Variants in KIF26B observed in about 807,000 individuals in gnomAD.
KIF26B encodes kinesin-like protein KIF26B.
KIF26B carries 63 observed loss-of-function variants against 151.2 expected under a neutral mutation model. That is an observed-to-expected ratio of 0.42 (90% CI 0.34 to 0.51). The LOEUF (loss-of-function observed/expected upper bound fraction) is 0.51. KIF26B is among the 20% of genes least tolerant of loss of function. The pLI is 0.07. For missense variants in KIF26B, 2,813 were observed against 2,913.6 expected (o/e 0.97, Z 0.79); for synonymous variants, 1,357 against 1,262.1 (o/e 1.08, Z -1.59).
chr1:245,593,332 C>A (rs1025721120), intron 5 of KIF26B, among the ~76,000 whole-genome samples: 20 of 152,232 alleles, frequency 1.3e-4, no homozygotes, highest in African/African-American at 4.6e-4. Flanking sequence ...GCTCCCCAGC[C>A]CCCAACAGGC....
chr1:245,186,919 C>T (rs111994795), intron 2 of KIF26B, among the ~76,000 whole-genome samples: 35,596 of 151,520 alleles, frequency 0.23, 4,835 homozygotes, highest in African/African-American at 0.37. Flanking sequence ...TGCAATGGCG[C>T]GATCTTGGCT....
intron 5 of KIF26B, among the ~76,000 whole-genome samples, chr1:245,554,865 C>T (rs1420019437): frequency 6.6e-6 from 1 of 152,162 alleles, no homozygotes; most frequent in African/African-American, 2.4e-5. Context: ...AACGTGTGCT[C>T]ATACAGACCC....
intron 4 of KIF26B, among the ~76,000 whole-genome samples, chr1:245,501,750 T>C (rs1660625649): frequency 6.6e-6 from 1 of 152,234 alleles, no homozygotes; most frequent in Admixed American, 6.5e-5. Context: ...CATATAGCAG[T>C]CTGAAATAAT....
At chr1:245,514,563 A>G (rs962569124) in intron 4 of KIF26B, among the ~76,000 whole-genome samples, 4 of 151,992 alleles carry the variant, frequency 2.6e-5, no homozygotes, top group Admixed American at 1.3e-4. Flanking sequence ...AAAATAAAAA[A>G]TAGACATTTA....
chr1:245,644,795 T>A (rs76628938), intron 9 of KIF26B, among the ~76,000 whole-genome samples: 1,776 of 152,258 alleles, frequency 0.012, 33 homozygotes, highest in African/African-American at 0.041. Flanking sequence ...CCTTGAATAG[T>A]TTTCTCACAT....
chr1:245,232,591 C>T (rs745423865), intron 2 of KIF26B, among the ~76,000 whole-genome samples: 27 of 143,394 alleles, frequency 1.9e-4, no homozygotes, highest in Admixed American at 7.9e-4. Flanking sequence ...GCTCTTGTTG[C>T]GCAGGCAGGA....
chr1:245,174,000 G>A (rs1668760310), intron 2 of KIF26B, among the ~76,000 whole-genome samples: 1 of 152,204 alleles, frequency 6.6e-6, no homozygotes, highest in Admixed American at 6.5e-5. Flanking sequence ...AACACATTGA[G>A]CCGGCAAATC....
intron 4 of KIF26B, among the ~76,000 whole-genome samples, chr1:245,527,290 A>T (rs980596079): frequency 2.0e-5 from 3 of 152,282 alleles, no homozygotes; most frequent in Admixed American, 2.0e-4. Context: ...TTTTATAGAC[A>T]ATTGCTTCTC....
chr1:245,303,971 G>A (rs989089174), intron 2 of KIF26B, among the ~76,000 whole-genome samples: 2 of 152,226 alleles, frequency 1.3e-5, no homozygotes, highest in African/African-American at 4.8e-5. Flanking sequence ...TCGAGTTAAT[G>A]ACTATGTTGG....
chr1:245,541,153 G>A (rs535058396), intron 5 of KIF26B, among the ~76,000 whole-genome samples: 12 of 152,224 alleles, frequency 7.9e-5, no homozygotes, highest in Non-Finnish European at 1.6e-4. Context: ...CAGATTGTAA[G>A]AGATCTGATT....
intron 2 of KIF26B, among the ~76,000 whole-genome samples, chr1:245,350,819 G>A (rs552370079): frequency 1.2e-4 from 19 of 152,220 alleles, no homozygotes; most frequent in Middle Eastern, 3.4e-3. Context: ...TTCCAAGATC[G>A]CAGTGTATAT....
chr1:245,489,781 A>G (rs1164234415), intron 4 of KIF26B, among the ~76,000 whole-genome samples: 1 of 152,184 alleles, frequency 6.6e-6, no homozygotes, highest in Non-Finnish European at 1.5e-5. Flanking sequence ...AGACATTGCT[A>G]ATGTTATTCT....
At chr1:245,293,226 G>A (rs1671284305) in intron 2 of KIF26B, among the ~76,000 whole-genome samples, 1 of 151,850 alleles carries the variant, frequency 6.6e-6, no homozygotes, top group Non-Finnish European at 1.5e-5. Context: ...TTTTTGCTTG[G>A]CAATGTCCTG....
chr1:245,590,099 G>A (rs1243167019), intron 5 of KIF26B, among the ~76,000 whole-genome samples: 3 of 151,756 alleles, frequency 2.0e-5, no homozygotes, highest in Non-Finnish European at 2.9e-5. Context: ...ACAATAAGCC[G>A]CCTCTGTGGC....
rs558117970 is a variant in KIF26B at position 245,221,560 on chromosome 1, C to T, written c.465+64877C>T. 1.2e-4 allele frequency among the ~76,000 whole-genome samples: 18 copies of T among 151,160 alleles called. No homozygotes were observed. The South Asian group carries it at 1.5e-3, about 12-fold the overall frequency. On this transcript the variant is annotated intron_variant, in intron 2 of 14. Coordinates refer to ENST00000407071, the MANE Select transcript of KIF26B (RefSeq NM_018012.4). ...TAGCTGGAATTACAGGCCCCTACCA[C>T]CACGTCCGGCTAATTTTTGTATTTT...
Position 245,703,672 on chromosome 1 carries a change from T to G in KIF26B, c.*1066T>G, listed in dbSNP as rs975119515. ...AGCCATATTTCTTTCTTTAGTATTT[T>G]CTAGTGTTGTGTTGTAGATTGATTA... On this transcript the variant is annotated 3_prime_UTR_variant, in exon 15 of 15. Coordinates refer to ENST00000407071, the MANE Select transcript of KIF26B (RefSeq NM_018012.4). 10 of 152,212 alleles carry G rather than the reference T, an allele frequency of 6.6e-5. No homozygotes were observed. Among genetic ancestry groups the G allele is most frequent in the Admixed American group, 1.3e-4 (2 of 15,274 alleles). The allele number at this position is 152,212 out of a possible 1,614,324, so 9.4% of individuals were successfully genotyped here.
intron 2 of KIF26B, among the ~76,000 whole-genome samples, chr1:245,234,182 T>G (rs199701755): frequency 6.6e-6 from 1 of 151,444 alleles, no homozygotes; most frequent in East Asian, 1.9e-4. Context: ...AGACTCCCTC[T>G]TAAAAAAAAA....
At position 245,540,664 on chromosome 1, in the gene KIF26B, A is replaced by G. The variant is rs753691232; in HGVS notation, c.1167-103A>G. 1 of 990,672 alleles carries G rather than the reference A, an allele frequency of 1.0e-6. No individual in the cohort carries two copies. Among genetic ancestry groups the G allele is most frequent in the Admixed American group, 1.7e-5 (1 of 59,182 alleles). 61.4% of individuals were successfully genotyped at this position (990,672 alleles called of 1,614,324 possible). A position where few individuals can be genotyped will look rare whatever the true frequency, so the allele number is the denominator to read the frequency against. On this transcript the variant is annotated intron_variant, in intron 4 of 14. Transcript: ENST00000407071. This position sits in a 1 kb window ranked among gnomAD's most constrained non-coding sequence, Gnocchi z 4.6. ...GAGCAGGAGGAGAGAAGGAATGATT[A>G]GGCCTCAGAAAGAACGAGGGGTTGT...
At chr1:245,186,320 C>G (rs1232344342) in intron 2 of KIF26B, among the ~76,000 whole-genome samples, 1 of 152,224 alleles carries the variant, frequency 6.6e-6, no homozygotes, top group Non-Finnish European at 1.5e-5. Flanking sequence ...GGAAAAGCCA[C>G]TTTCGCAAAG....
Sources: allele counts gnomAD v4.1 joint callset (sites outside exome capture counted in the v4.1 genomes callset), GRCh38; gene constraint gnomAD v4.1.1; non-coding constraint Gnocchi (gnomAD v3.1); transcripts MANE v1.5; gene names NCBI Gene and HGNC (gene_info 2026-07-23, HGNC 2026-07-21).